NEMP1: variants seen among roughly 807,000 people sequenced by gnomAD.
NEMP1 encodes nuclear envelope integral membrane protein 1.
In NEMP1, 29 loss-of-function variants were observed where a neutral mutation model predicts 53.7. The observed-to-expected ratio is 0.54, with a 90% CI of 0.40 to 0.74. NEMP1 has a LOEUF of 0.74. Among genes scored for constraint, NEMP1 ranks in the 30% least tolerant of loss-of-function variants. NEMP1 has a pLI of 0.00. For synonymous variants in NEMP1, 193 were observed against 192.9 expected (o/e 1.00, Z 0.00); for missense variants, 477 against 528.6 (o/e 0.90, Z 0.96).
intron 7 of NEMP1, 57 bp from the exon 8 acceptor site, chr12:57,061,002 A>C (rs567331979): frequency 1.9e-6 from 3 of 1,565,680 alleles, no homozygotes; most frequent in South Asian, 1.2e-5. Flanking sequence ...ATCCATCCTT[A>C]CTTCTAGCTC....
At position 57,059,927 on chromosome 12, in the gene NEMP1, G is replaced by A. The variant is rs1565655442; in HGVS notation, c.1287C>T (p.Asp429=). 21 of 1,613,732 alleles carry A rather than the reference G, an allele frequency of 1.3e-5. No homozygotes were observed. Among genetic ancestry groups the A allele is most frequent in the Non-Finnish European group, 1.7e-5 (20 of 1,179,926 alleles). ...TGATAGCAGGACACCGAGAATATGA[G>A]TCCTCCTCCTCAGAGGATGCTTCCT... The part of the protein sequence containing the change: ...IYEEASSEEE[D]SYSRCPAITQ... The change falls in exon 9 of 9, where the codon GAC becomes GAT. Residue 429 remains aspartate, a synonymous_variant. Transcript: ENST00000300128.
chr12:57,083,122 ATTT>A (rs879649327), upstream of NEMP1, among the ~76,000 whole-genome samples: 1 of 151,528 alleles, frequency 6.6e-6, no homozygotes, highest in Non-Finnish European at 1.5e-5. Flanking sequence ...CACATACTTC[ATTT>A]TTTTTTATCA....
At chr12:57,076,970 G>C (rs577035366) in intron 1 of NEMP1, among the ~76,000 whole-genome samples, 235 of 150,602 alleles carry the variant, frequency 1.6e-3, no homozygotes, top group Middle Eastern at 3.4e-3. Context: ...CGGGCGGGGG[G>C]TGGAGAAAAA....
At chr12:57,060,992 A>T in intron 7 of NEMP1, 47 bp from the exon 8 acceptor site, 1 of 1,585,948 alleles carries the variant, frequency 6.3e-7, no homozygotes. Context: ...AGTAATCTAT[A>T]TCCATCCTTA....
At chr12:57,066,914 GC>G (rs1283009392) in intron 4 of NEMP1, among the ~76,000 whole-genome samples, 2 of 152,180 alleles carry the variant, frequency 1.3e-5, no homozygotes, top group Non-Finnish European at 2.9e-5. Context: ...TGTAAGATGT[GC>G]CTTTTGCATT....
In NEMP1 at chr12:57,064,719, G is replaced by C. The variant is rs183628962; in HGVS notation, c.566C>G (p.Ser189Cys). 1 of 1,612,740 alleles carries C rather than the reference G, an allele frequency of 6.2e-7. No homozygotes were observed. Among genetic ancestry groups the C allele is most frequent in the Non-Finnish European group, 8.5e-7 (1 of 1,179,362 alleles). ...LLSRSQIFYY[S>C]TGMTVGIVAS... Reference sequence around the variant, plus strand: ...CACAATTCCCACAGTCATCCCAGTAGAGTAGTAGAAAATTTGACTTCTGCA... The same window carrying C: ...CACAATTCCCACAGTCATCCCAGTACAGTAGTAGAAAATTTGACTTCTGCA... Residue 189 changes from serine to cysteine, a missense_variant, in exon 5 of 9, where the codon TCT becomes TGT. Ser to Cys is a moderately radical substitution (Grantham distance 112, BLOSUM62 -1). Coordinates refer to ENST00000300128, the MANE Select transcript of NEMP1 (RefSeq NM_001130963.2).
At chr12:57,075,060 G>C (rs939929844) in intron 1 of NEMP1, among the ~76,000 whole-genome samples, 6 of 151,868 alleles carry the variant, frequency 4.0e-5, no homozygotes, top group Admixed American at 3.9e-4. Flanking sequence ...CTGCACTCCA[G>C]CCTGGGTGAC....
intron 1 of NEMP1, among the ~76,000 whole-genome samples, chr12:57,076,975 G>GA (rs943877779): frequency 4.0e-5 from 6 of 150,710 alleles, no homozygotes; most frequent in South Asian, 2.1e-4. Context: ...GGGGGGTGGA[G>GA]AAAAAAAATT....
intron 1 of NEMP1, among the ~76,000 whole-genome samples, chr12:57,074,863 G>T (rs567185455): frequency 1.6e-4 from 24 of 152,026 alleles, no homozygotes; most frequent in Admixed American, 6.6e-5. Flanking sequence ...CAAGGCAGAC[G>T]GATCACTTGA....
chr12:57,059,979 C>T lies in NEMP1; in HGVS notation c.1235G>A (p.Ser412Asn). 1 of 1,613,890 alleles carries T rather than the reference C, an allele frequency of 6.2e-7. No individual in the cohort carries two copies. The highest frequency in any genetic ancestry group is 8.5e-7 in the Non-Finnish European group (1 of 1,179,980). ...ATAGATTTCATCCTGGGCAATAATG[C>T]TCCCTAATCCATACTCCTGCTCATG... ...SVHEQEYGLGSIIAQDEIYEE... is the reference protein window; with the variant it reads ...SVHEQEYGLGNIIAQDEIYEE... The change falls in exon 9 of 9, where the codon AGC becomes AAC. Residue 412 changes from serine to asparagine, a missense_variant. By Grantham distance (46) the Ser-to-Asn change is conservative. Coordinates refer to ENST00000300128, the MANE Select transcript of NEMP1 (RefSeq NM_001130963.2).
At chr12:57,085,973 G>C (rs1322912124) in intron 1 of NEMP1, among the ~76,000 whole-genome samples, 1 of 152,204 alleles carries the variant, frequency 6.6e-6, no homozygotes, top group Non-Finnish European at 1.5e-5. Flanking sequence ...TCCTGGAGAG[G>C]TCCTGGATTT....
In NEMP1 at chr12:57,063,296, T is replaced by A. The variant is rs755598214; in HGVS notation, c.803A>T (p.Tyr268Phe). The A allele has an allele frequency of 2.5e-6, 4 of 1,614,080 alleles. No homozygotes were observed. Among genetic ancestry groups the A allele is most frequent in the Non-Finnish European group, 3.4e-6 (4 of 1,180,030 alleles). The change falls in exon 7 of 9, where the codon TAT (tyrosine) becomes TTT (phenylalanine). Residue 268 changes from tyrosine to phenylalanine, a missense_variant. Coordinates refer to ENST00000300128, the MANE Select transcript of NEMP1 (RefSeq NM_001130963.2). ...GFMSFAVCYK[Y>F]GPLENERSIN... Reference sequence around the variant, plus strand: ...ACTTCGTTCATTCTCCAAGGGCCCATACTTGTAACATACTGCAAAACTCAT... The same window carrying A: ...ACTTCGTTCATTCTCCAAGGGCCCAAACTTGTAACATACTGCAAAACTCAT...
chr12:57,075,880 A>G (rs2032591897), intron 1 of NEMP1, among the ~76,000 whole-genome samples: 1 of 151,816 alleles, frequency 6.6e-6, no homozygotes, highest in South Asian at 2.1e-4. Flanking sequence ...AGGCGGGCAG[A>G]TCACTTGAGG....
intron 1 of NEMP1, among the ~76,000 whole-genome samples, chr12:57,076,795 ACT>A (rs2032641664): frequency 1.3e-5 from 2 of 148,498 alleles, no homozygotes; most frequent in East Asian, 4.0e-4. Context: ...CGAGGGCGAA[ACT>A]CTGTCTCAAA....
At chr12:57,080,982 G>A (rs1481272863), upstream of NEMP1, among the ~76,000 whole-genome samples, 1 of 151,944 alleles carries the variant, frequency 6.6e-6, no homozygotes, top group African/African-American at 2.4e-5. Context: ...GGCCAACAGT[G>A]CTGATATGGT....
chr12:57,078,919 A>G, upstream of NEMP1: 1 of 680,336 alleles, frequency 1.5e-6, no homozygotes, highest in Non-Finnish European at 2.4e-6. Context: ...TAGCAACTGA[A>G]GAGAGAGGGC....
intron 4 of NEMP1, among the ~76,000 whole-genome samples, chr12:57,068,959 A>C (rs1405464425): frequency 6.6e-6 from 1 of 152,206 alleles, no homozygotes; most frequent in East Asian, 1.9e-4. Flanking sequence ...AGCAATAGAA[A>C]GGGTGATGAT....
intron 4 of NEMP1, among the ~76,000 whole-genome samples, chr12:57,068,694 T>C (rs1258440778): frequency 6.7e-6 from 1 of 150,336 alleles, no homozygotes; most frequent in African/African-American, 2.4e-5. Context: ...GCCTCACAAG[T>C]AGCTGGGACT....
chr12:57,058,417 C>G lies in NEMP1; in HGVS notation c.*1462G>C, dbSNP rs371494110. 5 of 152,290 alleles carry G rather than the reference C, an allele frequency of 3.3e-5. No homozygotes were observed. The highest frequency in any genetic ancestry group is 1.2e-4 in the African/African-American group (5 of 41,562). 9.4% of individuals were successfully genotyped at this position (152,290 alleles called of 1,614,324 possible). A position where few individuals can be genotyped will look rare whatever the true frequency, so the allele number is the denominator to read the frequency against. On this transcript the variant is annotated 3_prime_UTR_variant, in exon 9 of 9. Coordinates refer to ENST00000300128, the MANE Select transcript of NEMP1 (RefSeq NM_001130963.2). ...GCGCTTGCCATGACCATCTATCTTC[C>G]TGGCTAAGGTAATTACAGACTTTTC...
Sources: allele counts gnomAD v4.1 joint callset (sites outside exome capture counted in the v4.1 genomes callset), GRCh38; gene constraint gnomAD v4.1.1; transcripts MANE v1.5; gene names NCBI Gene and HGNC (gene_info 2026-07-23, HGNC 2026-07-21).